FBXO7: variants seen among roughly 807,000 people sequenced by gnomAD.
FBXO7 encodes the protein F-box only protein 7.
In FBXO7, 31 loss-of-function variants were observed where a neutral mutation model predicts 50.2. That is an observed-to-expected ratio of 0.62 (90% confidence interval 0.46 to 0.83). The LOEUF is 0.83. FBXO7 is among the 40% of genes least tolerant of loss of function. The probability of loss-of-function intolerance (pLI) is 0.00; values close to 1 mark genes in which losing one functional copy is unlikely to be tolerated. For synonymous variants in FBXO7, 256 were observed against 253.1 expected, an observed-to-expected ratio of 1.01 and a Z score of -0.11; for missense variants, 667 against 646.6, an observed-to-expected ratio of 1.03 and a Z score of -0.34.
intron 3 of FBXO7, among the ~76,000 whole-genome samples, chr22:32,484,833 A>G (rs952409927): frequency 1.3e-5 from 2 of 152,186 alleles, no homozygotes; most frequent in African/African-American, 4.8e-5. Flanking sequence ...TCCATGATGC[A>G]GTTTTACCTA....
chr22:32,475,242 A>C (rs556900199), intron 1 of FBXO7, 118 bp downstream of exon 1: 33 of 1,535,984 alleles, frequency 2.1e-5, no homozygotes, highest in African/African-American at 2.8e-5. Context: ...CGATAGGCCA[A>C]GTGCGGGGAC....
At chr22:32,476,084 C>T (rs1285784144) in intron 1 of FBXO7, 1 of 152,142 alleles carries the variant, frequency 6.6e-6, no homozygotes, top group African/African-American at 2.4e-5. Flanking sequence ...AACCTTCCTA[C>T]GTTTTCACCT....
rs1427499278 is a variant in FBXO7, at chr22:32,479,370, G to A, written c.417+95G>A. ...TGTTCCAGTCAGGATAATTATCATC[G>A]ATAGATTGCACATTTTATATATATT... On this transcript the variant is annotated intron_variant, in intron 2 of 8. Coordinates refer to ENST00000266087, the MANE Select transcript of FBXO7 (RefSeq NM_012179.4). 30 of 1,129,014 alleles carry A rather than the reference G, an allele frequency of 2.7e-5. 1 individual carries two copies. Among genetic ancestry groups the A allele is most frequent in the Middle Eastern group, 2.0e-4 (1 of 4,980 alleles). The allele number at this position is 1,129,014 out of a possible 1,614,324, so 69.9% of individuals were successfully genotyped here.
chr22:32,486,832 CAG>C (rs1291920590), intron 4 of FBXO7, among the ~76,000 whole-genome samples: 1 of 152,176 alleles, frequency 6.6e-6, no homozygotes. Flanking sequence ...TTCTTGTACA[CAG>C]AGTGTCAACA....
At chr22:32,493,492 C>G (rs542037439) in intron 7 of FBXO7, among the ~76,000 whole-genome samples, 87 of 152,236 alleles carry the variant, frequency 5.7e-4, no homozygotes, top group African/African-American at 2.0e-3. Context: ...ACTCATTAGA[C>G]TAAGAAGATT....
chr22:32,494,307 CA>C (rs1385710091), intron 7 of FBXO7, among the ~76,000 whole-genome samples: 3 of 152,026 alleles, frequency 2.0e-5, no homozygotes, highest in African/African-American at 4.8e-5. Flanking sequence ...TCACAATTGG[CA>C]GCAAGAAAGC....
chr22:32,483,342 A>T (rs565688477), intron 2 of FBXO7, among the ~76,000 whole-genome samples: 2 of 152,316 alleles, frequency 1.3e-5, no homozygotes, highest in Admixed American at 1.3e-4. Flanking sequence ...TCCTAAGAAC[A>T]TCTAAGGCAC....
chr22:32,475,307 G>A (rs2057419567), intron 1 of FBXO7, 183 bp downstream of exon 1: 8 of 1,604,432 alleles, frequency 5.0e-6, no homozygotes, highest in East Asian at 2.3e-5. Context: ...CGGAGCCGGA[G>A]GGTGCAGGCG....
In FBXO7 at chr22:32,479,395, T is replaced by A. The variant is rs1239266558; in HGVS notation, c.417+120T>A. 8.0e-6 allele frequency: 7 copies of A among 873,704 alleles called. No individual in the cohort carries two copies. In the Admixed American group the frequency reaches 9.9e-5, roughly 12 times the overall value. The allele number at this position is 873,704 out of a possible 1,614,324, so 54.1% of individuals were successfully genotyped here. A position where few individuals can be genotyped will look rare whatever the true frequency, so the allele number is the denominator to read the frequency against. On this transcript the variant is annotated intron_variant, in intron 2 of 8. Coordinates refer to ENST00000266087, the MANE Select transcript of FBXO7 (RefSeq NM_012179.4). ...GATAGATTGCACATTTTATATATAT[T>A]TTTTTCTTTTTTTTTTTTTTTGAGA...
intron 8 of FBXO7, among the ~76,000 whole-genome samples, 155 bp from the exon 9 acceptor site, chr22:32,497,989 T>C (rs2057586414): frequency 6.6e-6 from 1 of 152,238 alleles, no homozygotes; most frequent in Admixed American, 6.5e-5. Flanking sequence ...CCAAAAAAAT[T>C]TGTGTGACTT....
chr22:32,483,942 G>A lies in FBXO7; in HGVS notation c.463G>A (p.Ala155Thr). Reference protein sequence around the residue: ...NFEAESIQDNAHMAEGTGFYP... With the variant: ...NFEAESIQDNTHMAEGTGFYP... Reference sequence around the variant, plus strand: ...TGAAGCTGAGTCAATTCAAGATAATGCGCATATGGCAGAGGGCACAGGTTT... The same window carrying A: ...TGAAGCTGAGTCAATTCAAGATAATACGCATATGGCAGAGGGCACAGGTTT... The change falls in exon 3 of 9, where the codon GCG becomes ACG. Residue 155 changes from alanine to threonine, a missense_variant. Ala to Thr is a moderately conservative substitution (Grantham distance 58). Transcript: ENST00000266087. 1 of 1,614,156 alleles carries A rather than the reference G, an allele frequency of 6.2e-7. No homozygotes were observed. The highest frequency in any genetic ancestry group is 1.7e-5 in the Admixed American group (1 of 60,012).
intron 1 of FBXO7, chr22:32,478,041 G>A (rs902694462): frequency 5.2e-5 from 8 of 152,396 alleles, no homozygotes; most frequent in African/African-American, 1.7e-4. Context: ...ATGATGAAGA[G>A]GAGTCAGTCA....
chr22:32,479,717 A>G (rs749018647), intron 2 of FBXO7, among the ~76,000 whole-genome samples: 8 of 152,114 alleles, frequency 5.3e-5, no homozygotes, highest in Non-Finnish European at 1.0e-4. Flanking sequence ...TTTATAGAAT[A>G]TATTTTTTTT....
chr22:32,486,005 G>GT (rs2057496213), intron 4 of FBXO7, among the ~76,000 whole-genome samples: 1 of 152,034 alleles, frequency 6.6e-6, no homozygotes, highest in Non-Finnish European at 1.5e-5. Flanking sequence ...TGCGTTTGTT[G>GT]TTTTTTTATT....
At chr22:32,478,233 C>T (rs916214728) in intron 1 of FBXO7, 1 of 152,190 alleles carries the variant, frequency 6.6e-6, no homozygotes, top group Non-Finnish European at 1.5e-5. Flanking sequence ...GTTAAGGATT[C>T]CAAATAGAAG....
intron 8 of FBXO7, among the ~76,000 whole-genome samples, chr22:32,497,856 A>G (rs372329606): frequency 2.0e-5 from 3 of 152,232 alleles, no homozygotes; most frequent in African/African-American, 7.2e-5. Context: ...GCAACTTGCT[A>G]AAGGCTCAGG....
intron 2 of FBXO7, among the ~76,000 whole-genome samples, chr22:32,480,541 C>A (rs1014335001): frequency 3.3e-5 from 5 of 152,182 alleles, no homozygotes; most frequent in African/African-American, 9.6e-5. Context: ...TACCTTTCCT[C>A]CCTCTCTAGT....
chr22:32,496,721 G>A (rs1354175064), intron 8 of FBXO7, among the ~76,000 whole-genome samples: 2 of 152,200 alleles, frequency 1.3e-5, no homozygotes, highest in Non-Finnish European at 2.9e-5. Context: ...GGAGATTAAC[G>A]TTTTCATGTC....
chr22:32,482,125 G>T (rs1354955076), intron 2 of FBXO7, among the ~76,000 whole-genome samples: 2 of 152,170 alleles, frequency 1.3e-5, no homozygotes, highest in Admixed American at 1.3e-4. Context: ...TGGTAAAGAA[G>T]CAAAACCTAT....
Sources: allele counts gnomAD v4.1 joint callset (sites outside exome capture counted in the v4.1 genomes callset), GRCh38; gene constraint gnomAD v4.1.1; transcripts MANE v1.5; gene names NCBI Gene and HGNC (gene_info 2026-07-23, HGNC 2026-07-21).